The following ABCC4 variants were observed in gnomAD, a reference collection of about 807,000 sequenced individuals.
ABCC4 encodes ATP binding cassette subfamily C member 4 (PEL blood group).
Under a neutral mutation model 168.5 loss-of-function variants are expected in ABCC4, and 102 were observed. The observed-to-expected ratio is 0.61, with a 90% CI of 0.52 to 0.71. The LOEUF (loss-of-function observed/expected upper bound fraction) is 0.71. Ranked by LOEUF, ABCC4 falls within the 30% of genes least tolerant of loss-of-function variation. The pLI, the probability that ABCC4 is intolerant of heterozygous loss-of-function variation, is 0.00. For synonymous variants in ABCC4, 617 were observed against 590.7 expected (o/e 1.04, Z -0.65); for missense variants, 1,402 against 1,605.8 (o/e 0.87, Z 2.17).
At chr13:95,260,376 G>A (rs1036847520) in intron 1 of ABCC4, among the ~76,000 whole-genome samples, 1 of 152,088 alleles carries the variant, frequency 6.6e-6, no homozygotes, top group African/African-American at 2.4e-5. Flanking sequence ...CAACCTAAAT[G>A]ACTGAATCAG....
At chr13:95,177,170 C>T (rs554336365) in intron 13 of ABCC4, among the ~76,000 whole-genome samples, 2 of 152,282 alleles carry the variant, frequency 1.3e-5, no homozygotes, top group South Asian at 2.1e-4. Context: ...TTCTTAAATT[C>T]TAGATTTTAC....
intron 25 of ABCC4, among the ~76,000 whole-genome samples, chr13:95,064,231 C>T (rs1358480058): frequency 7.2e-6 from 1 of 139,242 alleles, no homozygotes; most frequent in African/African-American, 2.9e-5. Flanking sequence ...ATTTTCTGCA[C>T]ATAGGTACAT....
At chr13:95,086,194 A>C (rs955763065) in intron 20 of ABCC4, among the ~76,000 whole-genome samples, 2 of 151,912 alleles carry the variant, frequency 1.3e-5, no homozygotes, top group African/African-American at 2.4e-5. Flanking sequence ...TTCTCAGCTC[A>C]AAAAGAAGAG....
chr13:95,127,224 T>A (rs2035811705), intron 19 of ABCC4, among the ~76,000 whole-genome samples: 1 of 152,148 alleles, frequency 6.6e-6, no homozygotes. Context: ...CTGCAGCATC[T>A]GATGCTGTTC....
rs1300298227 is a variant in ABCC4 at position 95,129,028 on chromosome 13, G to A, written c.2456-13027C>T. ...TAAGCACCTCCAAAGTTTCACTAAT[G>A]CTGTCATTTTTTAAAAGCATGATTT... is the stretch of plus-strand genomic sequence containing the variant. On this transcript the variant is annotated intron_variant, in intron 19 of 30. Transcript: ENST00000645237. 2.0e-5 allele frequency among the ~76,000 whole-genome samples: 3 copies of A among 152,118 alleles called. No homozygotes were observed. In the South Asian group the frequency reaches 6.2e-4, roughly 32 times the overall value.
rs746606127 is a variant in ABCC4, at chr13:95,073,391, C to T, written c.2918-87G>A. 599 of 861,478 alleles carry T rather than the reference C, an allele frequency of 7.0e-4. 1 individual carries two copies. The highest frequency in any genetic ancestry group is 9.6e-4 in the Admixed American group (39 of 40,602). The allele number at this position is 861,478 out of a possible 1,614,324, so 53.4% of individuals were successfully genotyped here. A position where few individuals can be genotyped will look rare whatever the true frequency, so the allele number is the denominator to read the frequency against. On this transcript the variant is annotated intron_variant, in intron 23 of 30. Coordinates refer to ENST00000645237, the MANE Select transcript of ABCC4 (RefSeq NM_005845.5). ...CTGCCACTTACCAAGAGGAACCCTT[C>T]ATAATGTTGAAACAATTCACATTTA...
chr13:95,238,607 G>A (rs1195957566), intron 3 of ABCC4, among the ~76,000 whole-genome samples: 1 of 152,260 alleles, frequency 6.6e-6, no homozygotes, highest in Non-Finnish European at 1.5e-5. Context: ...GCAGGCTGGA[G>A]TGCAGTGGTG....
chr13:95,036,636 C>T (rs1310903640), intron 29 of ABCC4, among the ~76,000 whole-genome samples: 2 of 152,084 alleles, frequency 1.3e-5, no homozygotes, highest in Admixed American at 1.3e-4. Context: ...TTAGCAACTG[C>T]ATTTTATTTG....
At chr13:95,292,989 G>A (rs1026359721) in intron 1 of ABCC4, among the ~76,000 whole-genome samples, 5 of 152,080 alleles carry the variant, frequency 3.3e-5, no homozygotes, top group South Asian at 2.1e-4. Context: ...AAACGCTACC[G>A]GCTGGCAGGG....
chr13:95,284,906 C>CT (rs201029179), intron 1 of ABCC4, among the ~76,000 whole-genome samples: 2 of 124,842 alleles, frequency 1.6e-5, no homozygotes, highest in East Asian at 5.0e-4. Flanking sequence ...CTTAGAATAG[C>CT]CCCCCTGCCT....
At position 95,062,994 on chromosome 13, in the gene ABCC4, C is replaced by A; in HGVS notation, c.3211-135G>T. ...ATATTGAGTGTAGTCTAAGAGTTTC[C>A]CAACCTCAGCACTGATGACCTTCTG... On this transcript the variant is annotated intron_variant, in intron 25 of 30. Transcript: ENST00000645237. 2.9e-6 allele frequency: 3 copies of A among 1,041,360 alleles called. No homozygotes were observed. The South Asian group carries it at 5.3e-5, about 18-fold the overall frequency. 64.5% of individuals were successfully genotyped at this position (1,041,360 alleles called of 1,614,324 possible). A position where few individuals can be genotyped will look rare whatever the true frequency, so the allele number is the denominator to read the frequency against.
In ABCC4 at chr13:95,166,208, G is replaced by A. The variant is rs1325758333; in HGVS notation, c.1984C>T (p.Gln662Ter). The A allele has an allele frequency of 6.2e-7, 1 of 1,614,148 alleles. No homozygotes were observed. Among genetic ancestry groups the A allele is most frequent in the South Asian group, 1.1e-5 (1 of 91,080 alleles). ...RTFSESSVWS[Q>*]QSSRPSLKDG... ...TTCAAGGAGGGTCTAGAAGATTGTT[G>A]AGACCAAACCGAAGACTCTGAGAAG... is the stretch of plus-strand genomic sequence containing the variant. The change falls in exon 15 of 31, where the codon CAA (glutamine) becomes TAA (stop). Residue 662 changes from glutamine (Q) to a stop codon, truncating the protein, a stop_gained. Coordinates refer to ENST00000645237, the MANE Select transcript of ABCC4 (RefSeq NM_005845.5). LOFTEE classifies it high-confidence loss of function.
chr13:95,188,092 C>A (rs540957299), intron 10 of ABCC4, among the ~76,000 whole-genome samples: 6 of 152,188 alleles, frequency 3.9e-5, no homozygotes, highest in African/African-American at 1.2e-4. Flanking sequence ...TTCAGACAAG[C>A]CTTCATAACC....
intron 27 of ABCC4, among the ~76,000 whole-genome samples, chr13:95,044,914 G>A (rs1218139200): frequency 6.6e-6 from 1 of 152,124 alleles, no homozygotes; most frequent in African/African-American, 2.4e-5. Flanking sequence ...AATTTCTTGG[G>A]GTAAGAGAGA....
intron 5 of ABCC4, 66 bp downstream of exon 5, chr13:95,210,626 G>C (rs1471723387): frequency 1.5e-6 from 2 of 1,377,700 alleles, no homozygotes; most frequent in Non-Finnish European, 2.1e-6. Context: ...CCTGCCTCCA[G>C]AAAGAATAAA....
intron 4 of ABCC4, among the ~76,000 whole-genome samples, chr13:95,214,161 T>C (rs1374963698): frequency 3.3e-5 from 5 of 152,114 alleles, no homozygotes; most frequent in African/African-American, 1.2e-4. Flanking sequence ...AAATTAGATA[T>C]CATTAATAGC....
At chr13:95,204,350 T>C (rs1051943674) in intron 8 of ABCC4, among the ~76,000 whole-genome samples, 3 of 152,224 alleles carry the variant, frequency 2.0e-5, no homozygotes, top group African/African-American at 7.2e-5. Flanking sequence ...TTTGGCTCTG[T>C]GTCCCCACCC....
intron 8 of ABCC4, among the ~76,000 whole-genome samples, chr13:95,201,771 G>A (rs1292239243): frequency 1.3e-5 from 2 of 152,126 alleles, no homozygotes; most frequent in African/African-American, 2.4e-5. Context: ...TCAGGAATTC[G>A]AGACCTGCCT....
At chr13:95,126,744 T>A (rs866930100) in intron 19 of ABCC4, among the ~76,000 whole-genome samples, 10 of 97,902 alleles carry the variant, frequency 1.0e-4, no homozygotes, top group Admixed American at 2.6e-4. Flanking sequence ...TATATATATA[T>A]ATATATATAT....
Sources: allele counts gnomAD v4.1 joint callset (sites outside exome capture counted in the v4.1 genomes callset), GRCh38; gene constraint gnomAD v4.1.1; transcripts MANE v1.5; gene names NCBI Gene and HGNC (gene_info 2026-07-23, HGNC 2026-07-21).